Variants in NUMB observed in about 807,000 individuals in gnomAD.
NUMB encodes protein numb homolog.
A neutral mutation model predicts 59.7 loss-of-function variants in NUMB; 29 were observed. That is an observed-to-expected ratio of 0.49 (90% CI 0.36 to 0.66). NUMB has a LOEUF of 0.66. Among genes scored for constraint, NUMB ranks in the 30% least tolerant of loss-of-function variants. The probability of loss-of-function intolerance (pLI) is 0.00; values close to 1 mark genes in which losing one functional copy is unlikely to be tolerated. For missense variants in NUMB, 723 were observed against 822.0 expected, an observed-to-expected ratio of 0.88 and a Z score of 1.47; for synonymous variants, 288 against 288.2, an observed-to-expected ratio of 1.00 and a Z score of 0.01.
chr14:73,445,394 A>C (rs995623504), intron 1 of NUMB, among the ~76,000 whole-genome samples: 10 of 135,466 alleles, frequency 7.4e-5, no homozygotes, highest in Admixed American at 4.8e-4. Context: ...AAAAAAAAAA[A>C]AACTTACAGC....
At chr14:73,410,346 A>G (rs1004561066) in intron 1 of NUMB, among the ~76,000 whole-genome samples, 2 of 152,228 alleles carry the variant, frequency 1.3e-5, no homozygotes, top group Admixed American at 6.5e-5. Flanking sequence ...TTCTCCGTGC[A>G]TAAGTCTGAT....
intron 4 of NUMB, among the ~76,000 whole-genome samples, chr14:73,349,273 G>A (rs1024385450): frequency 6.6e-6 from 1 of 151,904 alleles, no homozygotes; most frequent in Non-Finnish European, 1.5e-5. Context: ...CCAACATGGA[G>A]AAACACCAAC....
intron 3 of NUMB, among the ~76,000 whole-genome samples, chr14:73,361,458 CTTT>C (rs530239515): frequency 6.9e-6 from 1 of 145,510 alleles, no homozygotes; most frequent in African/African-American, 2.5e-5. Context: ...TTCAGAATTT[CTTT>C]TTTTTTTTAA....
At chr14:73,329,737 A>T (rs919186958) in intron 4 of NUMB, among the ~76,000 whole-genome samples, 1 of 152,220 alleles carries the variant, frequency 6.6e-6, no homozygotes, top group Non-Finnish European at 1.5e-5. Context: ...CTTGAACTCC[A>T]GTACCAAGTT....
intron 4 of NUMB, among the ~76,000 whole-genome samples, chr14:73,351,677 T>G (rs774324337): frequency 2.0e-5 from 3 of 151,896 alleles, no homozygotes; most frequent in Non-Finnish European, 4.4e-5. Flanking sequence ...AACTGTACAC[T>G]TAAAAATGCT....
Position 73,277,213 on chromosome 14 carries a change from C to A in NUMB, c.1321G>T (p.Asp441Tyr). Residue 441 changes from aspartate to tyrosine, a missense_variant, in exon 13 of 13, where the codon GAC (aspartate) becomes TAC (tyrosine). This residue lies in a region of NUMB where 406 missense variants were observed against 385.4 expected (regional missense o/e 1.05). Transcript: ENST00000555238. Reference sequence around the variant, plus strand: ...TTAGACACCTCTTCTAACCATCGGTCGGCCTCAGAGGGAGTACGTCTATGA... The same window carrying A: ...TTAGACACCTCTTCTAACCATCGGTAGGCCTCAGAGGGAGTACGTCTATGA... The part of the protein sequence containing the change: ...AGHRRTPSEA[D>Y]RWLEEVSKSV... 1 of 1,614,004 alleles carries A rather than the reference C, an allele frequency of 6.2e-7. No individual in the cohort carries two copies. Among genetic ancestry groups the A allele is most frequent in the East Asian group, 2.2e-5 (1 of 44,872 alleles).
intron 2 of NUMB, among the ~76,000 whole-genome samples, chr14:73,398,952 A>G (rs1283686765): frequency 1.3e-5 from 2 of 152,182 alleles, no homozygotes; most frequent in African/African-American, 4.8e-5. Context: ...CAGCAGCACT[A>G]TTTGTTTTAG....
chr14:73,341,725 A>G (rs1892638735), intron 4 of NUMB, among the ~76,000 whole-genome samples: 1 of 152,170 alleles, frequency 6.6e-6, no homozygotes, highest in Non-Finnish European at 1.5e-5. Flanking sequence ...TTTTGTTACC[A>G]CAAACTTGTA....
At chr14:73,414,210 C>T (rs1215147371) in intron 1 of NUMB, among the ~76,000 whole-genome samples, 1 of 152,114 alleles carries the variant, frequency 6.6e-6, no homozygotes, top group African/African-American at 2.4e-5. Context: ...CCCACCTCAG[C>T]CTCCCGAAGT....
chr14:73,451,984 C>T (rs901328592), intron 1 of NUMB, among the ~76,000 whole-genome samples: 21 of 152,080 alleles, frequency 1.4e-4, no homozygotes, highest in Admixed American at 1.1e-3. Flanking sequence ...AGCCTGAGCA[C>T]GGTAGCTCAT....
chr14:73,276,758 T>A lies in NUMB; in HGVS notation c.1776A>T (p.Val592=). 6.2e-7 allele frequency: 1 copy of A among 1,614,198 alleles called. No homozygotes were observed. The highest frequency in any genetic ancestry group is 1.1e-5 in the South Asian group (1 of 91,086). Residue 592 remains valine (V), a synonymous_variant, in exon 13 of 13, where the codon GTA becomes GTT. Coordinates refer to ENST00000555238, the MANE Select transcript of NUMB (RefSeq NM_001005743.2). ...CTGCTGAGGCCAACCTGCCATCATC[T>A]ACACCATTGAAAGCTGCAGAACCGT... ...HLNGSAAFNG[V]DDGRLASADR... is the part of the protein sequence containing the mutation.
chr14:73,344,244 T>C (rs2139985691), intron 4 of NUMB, among the ~76,000 whole-genome samples: 2 of 152,328 alleles, frequency 1.3e-5, no homozygotes, highest in African/African-American at 4.8e-5. Context: ...TTTGGCATAA[T>C]ACTTTGCACC....
chr14:73,357,400 CAAA>C (rs199955256), intron 3 of NUMB, among the ~76,000 whole-genome samples: 1 of 133,612 alleles, frequency 7.5e-6, no homozygotes, highest in Admixed American at 7.5e-5. Context: ...GAAACTCTGT[CAAA>C]AAAAAAAAAA....
chr14:73,454,066 C>CGG (rs141041735), intron 1 of NUMB, among the ~76,000 whole-genome samples: 10 of 150,038 alleles, frequency 6.7e-5, no homozygotes, highest in African/African-American at 2.0e-4. Context: ...AAAAGTTGGG[C>CGG]GGGGGGGGAA....
intron 1 of NUMB, 116 bp downstream of exon 1, chr14:73,458,371 CGGCCCG>C (rs1227022843): frequency 5.2e-5 from 8 of 153,384 alleles, no homozygotes; most frequent in African/African-American, 1.9e-4. Flanking sequence ...GCCCCGGCCC[CGGCCCG>C]GGCCCCGACC....
intron 4 of NUMB, among the ~76,000 whole-genome samples, chr14:73,333,605 G>T (rs772352535): frequency 1.3e-5 from 2 of 151,628 alleles, no homozygotes; most frequent in African/African-American, 2.4e-5. Context: ...GAGATATAAA[G>T]GTTCTTTATA....
At position 73,287,778 on chromosome 14, in the gene NUMB, A is replaced by G. The variant is rs1395647100; in HGVS notation, c.451-464T>C. ...TTAATTTAAATGAATAAATTTTCTA[A>G]GGTAGTGCTTATGATGGTTCAATTC... is the stretch of plus-strand genomic sequence containing the variant. On this transcript the variant is annotated intron_variant, in intron 8 of 12. Transcript: ENST00000555238. Among the ~76,000 whole-genome samples, 3 of 152,230 alleles carry G rather than the reference A, an allele frequency of 2.0e-5. No individual in the cohort carries two copies. The East Asian group carries it at 5.8e-4, about 29-fold the overall frequency.
chr14:73,394,422 A>AAAAG (rs1555377801), intron 2 of NUMB, among the ~76,000 whole-genome samples: 2 of 147,770 alleles, frequency 1.4e-5, no homozygotes, highest in African/African-American at 2.6e-5. Flanking sequence ...AAAAAAAAAA[A>AAAAG]AGAGAGAGAG....
intron 1 of NUMB, among the ~76,000 whole-genome samples, chr14:73,421,976 T>C (rs1381470437): frequency 6.6e-6 from 1 of 151,898 alleles, no homozygotes; most frequent in Non-Finnish European, 1.5e-5. Flanking sequence ...CCGTCTCTAC[T>C]AAAAATACAA....
Sources: gnomAD v4.1 joint callset for allele counts (sites outside exome capture counted in the v4.1 genomes callset) on GRCh38, gnomAD v4.1.1 for gene constraint, gnomAD v4.1.1 regional missense constraint, MANE v1.5 for transcripts, NCBI Gene and HGNC (gene_info 2026-07-23, HGNC 2026-07-21) for gene names.